The following RBFOX1 variants were observed in gnomAD, a reference collection of about 807,000 sequenced individuals.
The protein encoded by RBFOX1 is RNA binding protein fox-1 homolog 1.
RBFOX1 carries 8 observed loss-of-function variants against 57.7 expected under a neutral mutation model. That is an observed-to-expected ratio of 0.14 (90% CI 0.08 to 0.25). The LOEUF (loss-of-function observed/expected upper bound fraction) is 0.25, where lower values mean the gene tolerates loss of function less well. Among genes scored for constraint, RBFOX1 ranks in the 10% least tolerant of loss-of-function variants. The pLI, the probability that RBFOX1 is intolerant of heterozygous loss-of-function variation, is 1.00. For missense variants in RBFOX1, 611 were observed against 548.5 expected (o/e 1.11, Z -1.14); for synonymous variants, 326 against 222.4 (o/e 1.47, Z -4.15).
intron 3 of RBFOX1, among the ~76,000 whole-genome samples, chr16:5,648,649 C>G (rs1321744272): frequency 6.6e-6 from 1 of 152,062 alleles, no homozygotes; most frequent in Admixed American, 6.6e-5. Context: ...CGCTGAGAAA[C>G]TCTGATCTAG....
At chr16:5,805,688 C>CCTAT (rs2055202652) in intron 3 of RBFOX1, among the ~76,000 whole-genome samples, 1 of 152,198 alleles carries the variant, frequency 6.6e-6, no homozygotes, top group East Asian at 1.9e-4. Context: ...TAGCAGAACT[C>CCTAT]AGAGGGCTAT....
intron 3 of RBFOX1, among the ~76,000 whole-genome samples, chr16:6,860,536 T>G (rs1456193585): frequency 1.3e-5 from 2 of 152,214 alleles, no homozygotes; most frequent in African/African-American, 4.8e-5. Context: ...AAGATGCATG[T>G]AGTTTTGAGA....
At chr16:7,238,338 T>A (rs111619950) in intron 4 of RBFOX1, among the ~76,000 whole-genome samples, 22 of 131,050 alleles carry the variant, frequency 1.7e-4, no homozygotes, top group African/African-American at 6.6e-4. Context: ...AAAAAAAAAA[T>A]AAATAAATAA....
At chr16:5,804,790 T>C (rs1381859486) in intron 3 of RBFOX1, among the ~76,000 whole-genome samples, 1 of 152,162 alleles carries the variant, frequency 6.6e-6, no homozygotes, top group East Asian at 1.9e-4. Flanking sequence ...CCCAGACAAA[T>C]ATACTTAGCA....
intron 4 of RBFOX1, among the ~76,000 whole-genome samples, chr16:7,218,392 A>C (rs1351719190): frequency 6.6e-6 from 1 of 152,122 alleles, no homozygotes; most frequent in Non-Finnish European, 1.5e-5. Context: ...TTAGAAGTGG[A>C]AAGAGGTGAA....
intron 11 of RBFOX1, among the ~76,000 whole-genome samples, chr16:7,649,029 CCT>C (rs2064362021): frequency 6.6e-6 from 1 of 152,012 alleles, no homozygotes; most frequent in Non-Finnish European, 1.5e-5. Context: ...CTATCCAGAC[CCT>C]AAGAGAGGAT....
chr16:5,731,261 G>A (rs1031499637), intron 3 of RBFOX1, among the ~76,000 whole-genome samples: 22 of 151,164 alleles, frequency 1.5e-4, no homozygotes, highest in Admixed American at 5.9e-4. Flanking sequence ...CCACCAGCAC[G>A]ATAATGGTTG....
At chr16:6,984,877 C>G (rs1380696958) in intron 3 of RBFOX1, among the ~76,000 whole-genome samples, 6 of 151,968 alleles carry the variant, frequency 3.9e-5, no homozygotes, top group East Asian at 1.9e-4. Flanking sequence ...CTGACCTCAG[C>G]TGATCCACCT....
At chr16:6,286,301 A>C (rs953985933) in intron 1 of RBFOX1, among the ~76,000 whole-genome samples, 2 of 152,306 alleles carry the variant, frequency 1.3e-5, no homozygotes, top group East Asian at 1.9e-4. Flanking sequence ...ATTCCCAGAC[A>C]GTGAGAAATG....
At chr16:5,350,064 A>C (rs2065229542) in intron 1 of RBFOX1, among the ~76,000 whole-genome samples, 1 of 152,236 alleles carries the variant, frequency 6.6e-6, no homozygotes. Context: ...CGTGAGAGGA[A>C]ATGAAAGCCT....
chr16:7,376,658 C>T (rs755115336), intron 4 of RBFOX1, among the ~76,000 whole-genome samples: 2 of 152,236 alleles, frequency 1.3e-5, no homozygotes, highest in Non-Finnish European at 1.5e-5. Flanking sequence ...TGAAGATCAT[C>T]GGTGCTTTTT....
intron 3 of RBFOX1, among the ~76,000 whole-genome samples, chr16:6,966,794 T>C (rs904249643): frequency 1.9e-5 from 2 of 105,690 alleles, no homozygotes; most frequent in South Asian, 3.6e-4. Context: ...TATCTATCTG[T>C]CTGTCTGTCT....
At chr16:6,708,058 G>C (rs918081662) in intron 3 of RBFOX1, among the ~76,000 whole-genome samples, 4 of 152,038 alleles carry the variant, frequency 2.6e-5, no homozygotes, top group African/African-American at 9.7e-5. Context: ...TCTTTCCCCT[G>C]GCTTCCCTTT....
intron 3 of RBFOX1, among the ~76,000 whole-genome samples, chr16:6,895,902 A>T (rs1169058139): frequency 6.6e-6 from 1 of 151,936 alleles, no homozygotes; most frequent in Non-Finnish European, 1.5e-5. Flanking sequence ...TCTTTTTGTA[A>T]AATGTTTTTT....
At chr16:6,982,782 C>G (rs1029277049) in intron 3 of RBFOX1, among the ~76,000 whole-genome samples, 1 of 152,100 alleles carries the variant, frequency 6.6e-6, no homozygotes, top group Non-Finnish European at 1.5e-5. Context: ...CACCTGAGGT[C>G]AGGAGTTCAA....
At chr16:6,139,431 C>T (rs998242565) in intron 1 of RBFOX1, among the ~76,000 whole-genome samples, 14 of 152,134 alleles carry the variant, frequency 9.2e-5, no homozygotes, top group Non-Finnish European at 1.9e-4. Flanking sequence ...TTTGACCACC[C>T]GCTGCAAGAG....
At chr16:7,283,845 G>T (rs1156398964) in intron 4 of RBFOX1, among the ~76,000 whole-genome samples, 3 of 152,150 alleles carry the variant, frequency 2.0e-5, no homozygotes, top group Non-Finnish European at 4.4e-5. Flanking sequence ...AGTTCTTCAA[G>T]TTTCAATAAG....
At position 6,961,145 on chromosome 16, in the gene RBFOX1, C is replaced by CACACACA. The variant is rs142889433; in HGVS notation, c.-15-90912_-15-90911insACACACA. On this transcript the variant is annotated intron_variant, in intron 3 of 15. Coordinates refer to ENST00000550418, the MANE Select transcript of RBFOX1 (RefSeq NM_018723.4). ...GCAATAGAGACTCCATCACACACACCCACACAGACACACACACGCAAAAGA... is the reference window on the plus strand; with the variant it reads ...GCAATAGAGACTCCATCACACACACCACACACACACACAGACACACACACGCAAAAGA... Among the ~76,000 whole-genome samples, 13 of 143,772 alleles carry CACACACA rather than the reference C, an allele frequency of 9.0e-5. 1 individual carries two copies. Among genetic ancestry groups the CACACACA allele is most frequent in the South Asian group, 2.2e-4 (1 of 4,566 alleles). The allele number at this position is 143,772 out of a possible 152,430, so 94.3% of individuals were successfully genotyped here.
downstream of RBFOX1, among the ~76,000 whole-genome samples, chr16:5,603,693 GT>G (rs1227679023): frequency 6.6e-5 from 10 of 152,334 alleles, no homozygotes; most frequent in Non-Finnish European, 2.9e-5. Context: ...AAGTGATTGT[GT>G]TGAGGTGGCA....
Sources: allele counts gnomAD v4.1 joint callset (sites outside exome capture counted in the v4.1 genomes callset), GRCh38; gene constraint gnomAD v4.1.1; transcripts MANE v1.5; gene names NCBI Gene and HGNC (gene_info 2026-07-23, HGNC 2026-07-21).